Variants in CELSR2 observed in about 807,000 individuals in gnomAD.
CELSR2 encodes EGF-like protein 2.
Under a neutral mutation model 251.6 loss-of-function variants are expected in CELSR2, and 81 were observed. The observed-to-expected ratio is 0.32, with a 90% CI of 0.27 to 0.39. The LOEUF (loss-of-function observed/expected upper bound fraction) is 0.39, where lower values mean the gene tolerates loss of function less well. Ranked by LOEUF, CELSR2 falls within the 10% of genes least tolerant of loss-of-function variation. The pLI is 1.00. For synonymous variants in CELSR2, 1,721 were observed against 1,670.5 expected (o/e 1.03, Z -0.74); for missense variants, 3,365 against 3,947.7 (o/e 0.85, Z 3.96).
At position 109,251,278 on chromosome 1, in the gene CELSR2, G is replaced by C. The variant is rs369951311; in HGVS notation, c.1199G>C (p.Ser400Thr). The C allele has an allele frequency of 8.1e-6, 13 of 1,614,054 alleles. No homozygotes were observed. The African/African-American group carries it at 1.5e-4, about 18-fold the overall frequency. ...GACAATGATAATGCCCCCCAGTTTA[G>C]TGAGAAGCGCTATGTGGTCCAGGTG... Reference protein sequence around the residue: ...EDDNDNAPQFSEKRYVVQVRE... With the variant: ...EDDNDNAPQFTEKRYVVQVRE... Residue 400 changes from serine to threonine, a missense_variant, in exon 1 of 34, where the codon AGT becomes ACT. By Grantham distance (58) the Ser-to-Thr change is moderately conservative. This residue lies in a region of CELSR2 where 704 missense variants were observed against 784.1 expected (regional missense o/e 0.90). Transcript: ENST00000271332. The surrounding 1 kb of genome is among the most constrained non-coding windows in gnomAD (Gnocchi z 4.9).
chr1:109,249,929 C>G lies in CELSR2; in HGVS notation c.-151C>G. On this transcript the variant is annotated 5_prime_UTR_variant, in exon 1 of 34. Transcript: ENST00000271332. Reference sequence around the variant, plus strand: ...CGGAGGGTGCAGCGCGGGGTCCCGCCGAGCCATCCAGACGCAGGCCCCGCG... The same window carrying G: ...CGGAGGGTGCAGCGCGGGGTCCCGCGGAGCCATCCAGACGCAGGCCCCGCG... 1.5e-6 allele frequency: 1 copy of G among 654,762 alleles called. No homozygotes were observed. Among genetic ancestry groups the G allele is most frequent in the South Asian group, 7.4e-5 (1 of 13,488 alleles). 40.6% of individuals were successfully genotyped at this position (654,762 alleles called of 1,614,324 possible).
intron 6 of CELSR2, 83 bp from the exon 7 acceptor site, chr1:109,262,723 T>G (rs1308951221): frequency 1.3e-6 from 2 of 1,566,912 alleles, no homozygotes; most frequent in African/African-American, 2.7e-5. Flanking sequence ...ACGCCGTTCG[T>G]GTCTCTGGCC....
rs777312044 is a variant in CELSR2, at chr1:109,264,874, A to G, written c.5471A>G (p.Tyr1824Cys). 15 of 1,614,116 alleles carry G rather than the reference A, an allele frequency of 9.3e-6. No individual in the cohort carries two copies. Among genetic ancestry groups the G allele is most frequent in the East Asian group, 2.2e-5 (1 of 44,904 alleles). The change falls in exon 12 of 34, where the codon TAT becomes TGT. Residue 1824 changes from tyrosine to cysteine, a missense_variant. This residue lies in a region of CELSR2 where 2,093 missense variants were observed against 2,382.8 expected (regional missense o/e 0.88). Coordinates refer to ENST00000271332, the MANE Select transcript of CELSR2 (RefSeq NM_001408.3). ...CTGGTCCTTCTGGTCCCAGGTTACT[A>G]TGGTGACAACTGTACTAATGTGTGT... The part of the protein sequence containing the change: ...SYSCSCDPGY[Y>C]GDNCTNVCDL...
Position 109,274,241 on chromosome 1 carries a change from T to G in CELSR2, c.*192T>G, listed in dbSNP as rs1051937250. ...CCACCTAAGGCCATCTAGTGCCAAC[T>G]CCCCCCCCACCATTCCCCTCACTGC... On this transcript the variant is annotated 3_prime_UTR_variant, in exon 34 of 34. Transcript: ENST00000271332. 2 of 1,321,740 alleles carry G rather than the reference T, an allele frequency of 1.5e-6. No individual in the cohort carries two copies. The highest frequency in any genetic ancestry group is 2.7e-5 in the Admixed American group (1 of 37,516). The allele number at this position is 1,321,740 out of a possible 1,614,324, so 81.9% of individuals were successfully genotyped here.
intron 1 of CELSR2, among the ~76,000 whole-genome samples, 163 bp downstream of exon 1, chr1:109,253,552 C>T (rs1271509097): frequency 6.6e-6 from 1 of 152,246 alleles, no homozygotes; most frequent in African/African-American, 2.4e-5. Flanking sequence ...GGAAGAAGCC[C>T]CAGGAACCCT....
At chr1:109,257,674 A>G (rs1655896184) in intron 1 of CELSR2, among the ~76,000 whole-genome samples, 1 of 152,184 alleles carries the variant, frequency 6.6e-6, no homozygotes, top group Non-Finnish European at 1.5e-5. Flanking sequence ...CTGGGGTCTC[A>G]GAGTGGAGAG....
intron 6 of CELSR2, among the ~76,000 whole-genome samples, 167 bp from the exon 7 acceptor site, chr1:109,262,639 C>T (rs915592810): frequency 1.3e-5 from 2 of 152,160 alleles, no homozygotes; most frequent in Non-Finnish European, 2.9e-5. Context: ...GCTGAGTGTT[C>T]GACAAGAACA....
chr1:109,250,836 A>G lies in CELSR2; in HGVS notation c.757A>G (p.Ser253Gly), dbSNP rs1557725682. ...CGAGGAGCTGGATCGTGAGACCAAG[A>G]GCACCCACGTCTTCAGGGTCACGGC... Reference protein sequence around the residue: ...TAEELDRETKSTHVFRVTAQD... With the variant: ...TAEELDRETKGTHVFRVTAQD... Residue 253 changes from serine (S) to glycine (G), a missense_variant, in exon 1 of 34, where the codon AGC becomes GGC. Ser to Gly is a moderately conservative substitution (Grantham distance 56). Around this residue, in one of 5 missense-constraint regions of CELSR2, gnomAD observed 704 missense variants for 784.1 expected, o/e 0.90. Transcript: ENST00000271332. The surrounding 1 kb of genome is among the most constrained non-coding windows in gnomAD (Gnocchi z 4.4). 2 of 1,613,890 alleles carry G rather than the reference A, an allele frequency of 1.2e-6. No individual in the cohort carries two copies. The highest frequency in any genetic ancestry group is 1.3e-5 in the African/African-American group (1 of 74,932).
Position 109,249,961 on chromosome 1 carries a change from A to G in CELSR2, c.-119A>G, listed in dbSNP as rs1189945357. On this transcript the variant is annotated 5_prime_UTR_variant, in exon 1 of 34. Transcript: ENST00000271332. ...TCCAGACGCAGGCCCCGCGGGGCGC[A>G]CGGGAGGCCCCCGGGGACTGGCGCC... 1.0e-6 allele frequency: 1 copy of G among 961,190 alleles called. No individual in the cohort carries two copies. The highest frequency in any genetic ancestry group is 5.1e-5 in the South Asian group (1 of 19,642). The allele number at this position is 961,190 out of a possible 1,614,324, so 59.5% of individuals were successfully genotyped here.
intron 1 of CELSR2, 96 bp downstream of exon 1, chr1:109,253,485 A>C (rs1655760011): frequency 2.7e-6 from 4 of 1,483,368 alleles, no homozygotes; most frequent in Middle Eastern, 2.3e-4. Context: ...AAGCAGCTAC[A>C]GATCCACCTC....
Position 109,271,779 on chromosome 1 carries a change from A to G in CELSR2, c.7926+57A>G, listed in dbSNP as rs1374017283. 3.1e-6 allele frequency: 5 copies of G among 1,590,744 alleles called. No individual in the cohort carries two copies. The East Asian group carries it at 9.1e-5, about 29-fold the overall frequency. ...GAAGGGAGGGAGAGGCAGGAGGCCC[A>G]GTGAGCCTGTACTTTTGGCCCCACT... On this transcript the variant is annotated intron_variant, in intron 28 of 33. Transcript: ENST00000271332.
chr1:109,254,056 A>AC, intron 1 of CELSR2, among the ~76,000 whole-genome samples: 3 of 151,674 alleles, frequency 2.0e-5, no homozygotes, highest in Admixed American at 2.0e-4. Context: ...GTCCAAACAG[A>AC]CCCCACTTTC....
In CELSR2 at chr1:109,268,959, G is replaced by GC; in HGVS notation, c.6587dup (p.Asp2197GlyfsTer3). On this transcript the variant is annotated frameshift_variant, in exon 19 of 34. Transcript: ENST00000271332. LOFTEE classifies it high-confidence loss of function. ...GCTACGAGGCCCTGCGTGGGGAGCA[G>GC]CCCCCGGACCTTGAGACAACAGTCA... 1 of 1,613,582 alleles carries GC rather than the reference G, an allele frequency of 6.2e-7. No individual in the cohort carries two copies. The highest frequency in any genetic ancestry group is 8.5e-7 in the Non-Finnish European group (1 of 1,179,656).
Position 109,262,300 on chromosome 1 carries a change from A to G in CELSR2, c.4400A>G (p.Gln1467Arg). The change falls in exon 6 of 34, where the codon CAG (glutamine) becomes CGG (arginine). Residue 1467 changes from glutamine (Q) to arginine (R), a missense_variant. This residue lies in a region of CELSR2 where 2,093 missense variants were observed against 2,382.8 expected (regional missense o/e 0.88). Transcript: ENST00000271332. ...LKYYNKPLLG[Q>R]TGLPQGPSEQ... is the part of the protein sequence containing the mutation. ...TCCTGTCCACAGCCACTGTTGGGTC[A>G]GACAGGGCTCCCACAGGGCCCATCA... 14 of 1,614,022 alleles carry G rather than the reference A, an allele frequency of 8.7e-6. No individual in the cohort carries two copies. Among genetic ancestry groups the G allele is most frequent in the Non-Finnish European group, 1.2e-5 (14 of 1,180,030 alleles).
intron 9 of CELSR2, 143 bp from the exon 10 acceptor site, chr1:109,263,935 C>T: frequency 7.2e-7 from 1 of 1,392,218 alleles, no homozygotes. Flanking sequence ...CCTGTTGGGC[C>T]TGAGGGAAAT....
intron 17 of CELSR2, 72 bp from the exon 18 acceptor site, chr1:109,268,509 A>G: frequency 1.3e-6 from 2 of 1,501,048 alleles, no homozygotes; most frequent in Non-Finnish European, 8.9e-7. Flanking sequence ...GCCCGGGCAC[A>G]GGCCGGGGCT....
Position 109,250,625 on chromosome 1 carries a change from G to T in CELSR2, c.546G>T (p.Gln182His). Residue 182 changes from glutamine (Q) to histidine (H), a missense_variant, in exon 1 of 34, where the codon CAG becomes CAT. Physicochemically the swap from Gln to His is conservative, Grantham distance 24 (BLOSUM62 0). Transcript: ENST00000271332. The surrounding 1 kb of genome is among the most constrained non-coding windows in gnomAD (Gnocchi z 4.4). ...ATGTAAATACAGCCCCCCAGTTCCA[G>T]CCCCCCAGCTACCAGGCCACAGTGC... is the stretch of plus-strand genomic sequence containing the variant. ...KRNVNTAPQFQPPSYQATVPE... is the reference protein window; with the variant it reads ...KRNVNTAPQFHPPSYQATVPE... 6.2e-7 allele frequency: 1 copy of T among 1,613,926 alleles called. No homozygotes were observed.
At position 109,252,567 on chromosome 1, in the gene CELSR2, C is replaced by T; in HGVS notation, c.2488C>T (p.Pro830Ser). 15 of 1,613,914 alleles carry T rather than the reference C, an allele frequency of 9.3e-6. No homozygotes were observed. The highest frequency in any genetic ancestry group is 1.3e-5 in the Non-Finnish European group (15 of 1,180,032). Residue 830 changes from proline (P) to serine (S), a missense_variant, in exon 1 of 34, where the codon CCC (proline) becomes TCC (serine). Pro to Ser is a moderately conservative substitution (Grantham distance 74, BLOSUM62 -1). Transcript: ENST00000271332. The surrounding 1 kb of genome is among the most constrained non-coding windows in gnomAD (Gnocchi z 4.8). ...YQGSVYEDVPPFTSVLQISAT... is the reference protein window; with the variant it reads ...YQGSVYEDVPSFTSVLQISAT... ...GGGCAGTGTCTATGAGGATGTGCCA[C>T]CCTTCACTAGCGTCCTGCAGATCTC... is the stretch of plus-strand genomic sequence containing the variant.
chr1:109,258,915 C>G lies in CELSR2; in HGVS notation c.3794C>G (p.Pro1265Arg), dbSNP rs1386408385. The change falls in exon 2 of 34, where the codon CCC (proline) becomes CGC (arginine). Residue 1265 changes from proline to arginine, a missense_variant. This residue lies in a region of CELSR2 where 2,093 missense variants were observed against 2,382.8 expected (regional missense o/e 0.88). Transcript: ENST00000271332. ...GCCTCCTCCTCCGTGCTCTTCCGGC[C>G]CATCCACCCCGTCGGAGGGCTGCGC... Reference protein sequence around the residue: ...FIASSSVLFRPIHPVGGLRCR... With the variant: ...FIASSSVLFRRIHPVGGLRCR... 1 of 1,612,386 alleles carries G rather than the reference C, an allele frequency of 6.2e-7. No individual in the cohort carries two copies. Among genetic ancestry groups the G allele is most frequent in the Non-Finnish European group, 8.5e-7 (1 of 1,179,544 alleles).
Sources: gnomAD v4.1 joint callset for allele counts (sites outside exome capture counted in the v4.1 genomes callset) on GRCh38, gnomAD v4.1.1 for gene constraint, gnomAD v4.1.1 regional missense constraint, Gnocchi (gnomAD v3.1) non-coding constraint, MANE v1.5 for transcripts, NCBI Gene and HGNC (gene_info 2026-07-23, HGNC 2026-07-21) for gene names.